The following RUSC2 variants were observed in gnomAD, a reference collection of about 807,000 sequenced individuals.
The protein encoded by RUSC2 is RUN and SH3 domain containing 2, also known as AP-4 complex accessory subunit RUSC2.
In RUSC2, 34 loss-of-function variants were observed where a neutral mutation model predicts 122.2. The observed-to-expected ratio is 0.28, with a 90% CI of 0.21 to 0.37. The LOEUF is 0.37. Ranked by LOEUF, RUSC2 falls within the 10% of genes least tolerant of loss-of-function variation. RUSC2 has a pLI of 1.00. For missense variants in RUSC2, 1,747 were observed against 1,952.4 expected (o/e 0.89, Z 1.98); for synonymous variants, 784 against 790.0 (o/e 0.99, Z 0.13).
In RUSC2 at chr9:35,558,660, GACA is replaced by G. The variant is rs754952065; in HGVS notation, c.3341+94_3341+96del. ...CACCAAGGAAACAACGCCCTGGACA[GACA>G]GAAAGGGTGGATCTGGAGGGTCCCC... is the stretch of plus-strand genomic sequence containing the variant. On this transcript the variant is annotated intron_variant, in intron 8 of 11. Coordinates refer to ENST00000361226, the MANE Select transcript of RUSC2 (RefSeq NM_014806.5). The surrounding 1 kb of genome is among the most constrained non-coding windows in gnomAD (Gnocchi z 4.3). The G allele has an allele frequency of 4.1e-5, 44 of 1,063,378 alleles. No individual in the cohort carries two copies. The highest frequency in any genetic ancestry group is 2.6e-4 in the East Asian group (11 of 42,194). 65.9% of individuals were successfully genotyped at this position (1,063,378 alleles called of 1,614,324 possible).
chr9:35,498,158 GTTT>G (rs10590726), intron 1 of RUSC2, among the ~76,000 whole-genome samples: 3 of 145,420 alleles, frequency 2.1e-5, no homozygotes, highest in South Asian at 2.1e-4. Flanking sequence ...TTTAGTTTTG[GTTT>G]TTTTTTTTTC....
chr9:35,543,159 CTCACAT>C (rs1821674954), intron 1 of RUSC2, among the ~76,000 whole-genome samples: 2 of 152,198 alleles, frequency 1.3e-5, no homozygotes, highest in African/African-American at 4.8e-5. Flanking sequence ...GGCATGGTGG[CTCACAT>C]CTGTAATCCT....
chr9:35,530,178 T>C (rs1316241737), intron 1 of RUSC2, among the ~76,000 whole-genome samples: 1 of 152,106 alleles, frequency 6.6e-6, no homozygotes, highest in Non-Finnish European at 1.5e-5. Flanking sequence ...TATCAACTCA[T>C]AAGCTCAAGC....
At chr9:35,545,716 C>T (rs1197378496) in intron 1 of RUSC2, among the ~76,000 whole-genome samples, 1 of 152,102 alleles carries the variant, frequency 6.6e-6, no homozygotes, top group Non-Finnish European at 1.5e-5. Context: ...TCCCCCCACC[C>T]CCATTGAGGA....
At chr9:35,495,085 TATTATATATACTATAGTATATATTATAC>T (rs1564240060) in intron 1 of RUSC2, among the ~76,000 whole-genome samples, 32 of 76,298 alleles carry the variant, frequency 4.2e-4, no homozygotes, top group African/African-American at 1.9e-3. Context: ...ATATAGTATA[TATTATATATACTATAGTATATATTATAC>T]ATTATATACA....
chr9:35,534,230 A>G (rs1160974459), intron 1 of RUSC2, among the ~76,000 whole-genome samples: 3 of 152,118 alleles, frequency 2.0e-5, no homozygotes, highest in African/African-American at 4.8e-5. Context: ...ATTTGTTTAT[A>G]TAAGTACTTG....
At chr9:35,554,978 T>C in intron 2 of RUSC2, 82 bp from the exon 3 acceptor site, 1 of 1,532,444 alleles carries the variant, frequency 6.5e-7, no homozygotes, top group Non-Finnish European at 8.9e-7. Context: ...CCCTCTCCCC[T>C]CTCCCATCTC....
At chr9:35,503,256 A>G (rs75143875) in intron 1 of RUSC2, among the ~76,000 whole-genome samples, 29 of 151,000 alleles carry the variant, frequency 1.9e-4, no homozygotes, top group African/African-American at 6.5e-4. Flanking sequence ...ATCCCTCACC[A>G]CCACCCCCGC....
intron 1 of RUSC2, among the ~76,000 whole-genome samples, chr9:35,540,075 G>A (rs2132542436): frequency 6.6e-6 from 1 of 152,290 alleles, no homozygotes; most frequent in South Asian, 2.1e-4. Context: ...TTGCTGAGCA[G>A]GTAGAAAGAG....
chr9:35,538,217 A>T (rs1821568969), intron 1 of RUSC2, among the ~76,000 whole-genome samples: 1 of 152,166 alleles, frequency 6.6e-6, no homozygotes, highest in African/African-American at 2.4e-5. Context: ...AGCCACAGCG[A>T]GTAGACCTCT....
chr9:35,540,006 T>A (rs1442629552), intron 1 of RUSC2, among the ~76,000 whole-genome samples: 1 of 152,190 alleles, frequency 6.6e-6, no homozygotes, highest in Non-Finnish European at 1.5e-5. Context: ...AGAAAGACAC[T>A]GATGACCAAA....
intron 1 of RUSC2, among the ~76,000 whole-genome samples, chr9:35,493,381 T>A (rs1820606475): frequency 6.6e-6 from 1 of 152,218 alleles, no homozygotes; most frequent in African/African-American, 2.4e-5. Flanking sequence ...ATCTGGTCTG[T>A]CATTGATGGG....
intron 1 of RUSC2, among the ~76,000 whole-genome samples, chr9:35,498,179 G>C (rs1402705349): frequency 1.4e-5 from 2 of 147,970 alleles, no homozygotes; most frequent in Non-Finnish European, 3.0e-5. Context: ...TTCCCAATTT[G>C]TATGCCTTTT....
intron 1 of RUSC2, among the ~76,000 whole-genome samples, chr9:35,534,331 T>C (rs907446266): frequency 1.1e-4 from 16 of 151,410 alleles, no homozygotes; most frequent in African/African-American, 3.2e-4. Context: ...TCCCAGCACT[T>C]TGGGAAGCCG....
chr9:35,529,132 T>C (rs561436409), intron 1 of RUSC2, among the ~76,000 whole-genome samples: 1 of 152,314 alleles, frequency 6.6e-6, no homozygotes, highest in Admixed American at 6.5e-5. Context: ...GCAAGTAATA[T>C]TGCATTGAAC....
intron 2 of RUSC2, among the ~76,000 whole-genome samples, chr9:35,551,787 T>C (rs1821902411): frequency 6.6e-6 from 1 of 152,156 alleles, no homozygotes; most frequent in South Asian, 2.1e-4. Context: ...CGGCTGGGCA[T>C]GGTGGCTCAC....
rs1307534204 is a variant in RUSC2 at position 35,561,514 on chromosome 9, CTGCTCCCTG to C, written c.*138_*146del. 2 of 710,870 alleles carry C rather than the reference CTGCTCCCTG, an allele frequency of 2.8e-6. No homozygotes were observed. Among genetic ancestry groups the C allele is most frequent in the Non-Finnish European group, 4.7e-6 (2 of 426,226 alleles). The allele number at this position is 710,870 out of a possible 1,614,324, so 44.0% of individuals were successfully genotyped here. A position where few individuals can be genotyped will look rare whatever the true frequency, so the allele number is the denominator to read the frequency against. Reference sequence around the variant, plus strand: ...GGGCCACGTATCCCTGTGCTGGCACCTGCTCCCTGTGCTCAGTATTAATTACGCCCCCTT... The same window carrying C: ...GGGCCACGTATCCCTGTGCTGGCACCTGCTCAGTATTAATTACGCCCCCTT... On this transcript the variant is annotated 3_prime_UTR_variant, in exon 12 of 12. Transcript: ENST00000361226.
chr9:35,555,847 C>T lies in RUSC2; in HGVS notation c.2657-105C>T. 1.4e-6 allele frequency: 2 copies of T among 1,448,542 alleles called. No individual in the cohort carries two copies. The highest frequency in any genetic ancestry group is 1.9e-6 in the Non-Finnish European group (2 of 1,064,366). 89.7% of individuals were successfully genotyped at this position (1,448,542 alleles called of 1,614,324 possible). On this transcript the variant is annotated intron_variant, in intron 3 of 11. Transcript: ENST00000361226. The surrounding 1 kb of genome is among the most constrained non-coding windows in gnomAD (Gnocchi z 4.6). ...TCCCTCAGCATCTGTAGATAATATC[C>T]ACAGATAATCTAGTGTTTCATATGG...
At chr9:35,519,417 C>G (rs933971464) in intron 1 of RUSC2, among the ~76,000 whole-genome samples, 3 of 152,208 alleles carry the variant, frequency 2.0e-5, no homozygotes, top group Non-Finnish European at 4.4e-5. Context: ...GGAATATGAT[C>G]TGGGGCCCCA....
Sources: gnomAD v4.1 joint callset for allele counts (sites outside exome capture counted in the v4.1 genomes callset) on GRCh38, gnomAD v4.1.1 for gene constraint, Gnocchi (gnomAD v3.1) non-coding constraint, MANE v1.5 for transcripts, NCBI Gene and HGNC (gene_info 2026-07-23, HGNC 2026-07-21) for gene names.